The following ADGRB3 variants were observed in gnomAD, a reference collection of about 807,000 sequenced individuals.
ADGRB3 encodes the protein brain-specific angiogenesis inhibitor 3.
A neutral mutation model predicts 193.4 loss-of-function variants in ADGRB3; 37 were observed. The observed-to-expected ratio is 0.19, with a 90% CI of 0.15 to 0.25. The LOEUF (loss-of-function observed/expected upper bound fraction) is 0.25. Among genes scored for constraint, ADGRB3 ranks in the 10% least tolerant of loss-of-function variants. ADGRB3 has a pLI of 1.00. For synonymous variants in ADGRB3, 690 were observed against 644.2 expected (o/e 1.07, Z -1.08); for missense variants, 1,637 against 1,852.9 (o/e 0.88, Z 2.14).
At chr6:68,852,253 A>C (rs564504493) in intron 3 of ADGRB3, among the ~76,000 whole-genome samples, 2 of 152,042 alleles carry the variant, frequency 1.3e-5, no homozygotes, top group Non-Finnish European at 2.9e-5. Context: ...GCTGTATAAA[A>C]AAAGATTTAT....
At chr6:69,382,735 G>T (rs2127239104) in intron 30 of ADGRB3, 96 bp from the exon 31 acceptor site, 2 of 820,674 alleles carry the variant, frequency 2.4e-6, no homozygotes, top group East Asian at 3.0e-5. Context: ...TGCCAAACTT[G>T]ATTACCCTTA....
intron 3 of ADGRB3, among the ~76,000 whole-genome samples, chr6:68,720,410 T>A (rs1765556550): frequency 6.6e-6 from 1 of 151,758 alleles, no homozygotes; most frequent in Admixed American, 6.6e-5. Flanking sequence ...ATGACTAACC[T>A]TGGGCTTTTT....
intron 17 of ADGRB3, among the ~76,000 whole-genome samples, chr6:69,091,363 A>G (rs1772699676): frequency 6.6e-6 from 1 of 152,226 alleles, no homozygotes; most frequent in Non-Finnish European, 1.5e-5. Flanking sequence ...AGCACTTTTC[A>G]CAATAGCAAA....
chr6:69,110,069 C>G (rs1428771982), intron 17 of ADGRB3, among the ~76,000 whole-genome samples: 1 of 151,386 alleles, frequency 6.6e-6, no homozygotes, highest in East Asian at 1.9e-4. Flanking sequence ...TGCCTCAGCA[C>G]CCCGAGTAGC....
At chr6:68,817,626 C>G (rs746297390) in intron 3 of ADGRB3, among the ~76,000 whole-genome samples, 2 of 151,580 alleles carry the variant, frequency 1.3e-5, no homozygotes, top group Non-Finnish European at 2.9e-5. Context: ...TCTGTAAAAG[C>G]AGTCTTGTAA....
intron 11 of ADGRB3, among the ~76,000 whole-genome samples, chr6:68,995,355 A>G (rs1349821277): frequency 6.6e-6 from 1 of 152,222 alleles, no homozygotes; most frequent in Non-Finnish European, 1.5e-5. Context: ...CAGTTGAAAC[A>G]TTAGGTAAAG....
rs1368797206 is a variant in ADGRB3 at position 69,089,736 on chromosome 6, T to A, written c.2480+13698T>A. Among the ~76,000 whole-genome samples the A allele has an allele frequency of 2.6e-5, 4 of 152,208 alleles. No homozygotes were observed. The East Asian group carries it at 7.7e-4, about 29-fold the overall frequency. On this transcript the variant is annotated intron_variant, in intron 17 of 31. Coordinates refer to ENST00000370598, the MANE Select transcript of ADGRB3 (RefSeq NM_001704.3). ...AGATAATGCTGCTGCCCTAGAGCTC[T>A]GGTTCTTTCTCTACCAAGTAGGAGC... is the stretch of plus-strand genomic sequence containing the variant.
At chr6:69,135,241 G>A (rs548462879) in intron 17 of ADGRB3, among the ~76,000 whole-genome samples, 10 of 151,614 alleles carry the variant, frequency 6.6e-5, no homozygotes, top group African/African-American at 2.4e-4. Flanking sequence ...TTTTCTTCTA[G>A]AAGCAGCCTA....
intron 20 of ADGRB3, among the ~76,000 whole-genome samples, chr6:69,258,901 C>A (rs1432233770): frequency 6.6e-6 from 1 of 152,124 alleles, no homozygotes; most frequent in Non-Finnish European, 1.5e-5. Context: ...TAGTTAAGAA[C>A]CCCTGCCACT....
intron 3 of ADGRB3, among the ~76,000 whole-genome samples, chr6:68,790,509 C>T (rs1767080473): frequency 6.6e-6 from 1 of 152,118 alleles, no homozygotes; most frequent in Non-Finnish European, 1.5e-5. Context: ...GTCCCTGACC[C>T]CCGAGTAGCC....
intron 21 of ADGRB3, among the ~76,000 whole-genome samples, 157 bp downstream of exon 21, chr6:69,325,179 T>G (rs1341995184): frequency 6.6e-6 from 1 of 151,884 alleles, no homozygotes; most frequent in Non-Finnish European, 1.5e-5. Context: ...CATTCATTGG[T>G]CATTTGGAAC....
chr6:68,842,498 T>G (rs998625699), intron 3 of ADGRB3, among the ~76,000 whole-genome samples: 1 of 151,816 alleles, frequency 6.6e-6, no homozygotes, highest in Non-Finnish European at 1.5e-5. Flanking sequence ...CTGAATAGAT[T>G]AAGTAACCAG....
At chr6:69,047,670 C>T (rs1478503672) in intron 13 of ADGRB3, among the ~76,000 whole-genome samples, 2 of 151,978 alleles carry the variant, frequency 1.3e-5, no homozygotes, top group African/African-American at 4.8e-5. Context: ...AGTTCTATCT[C>T]CCAAAGTAAT....
chr6:69,349,624 T>C (rs1424200218), intron 26 of ADGRB3, among the ~76,000 whole-genome samples: 4 of 152,164 alleles, frequency 2.6e-5, no homozygotes, highest in African/African-American at 4.8e-5. Context: ...TTAATGATTA[T>C]GAAAAGCTGA....
chr6:69,346,441 T>G (rs1283237515), intron 26 of ADGRB3, among the ~76,000 whole-genome samples: 1 of 152,034 alleles, frequency 6.6e-6, no homozygotes, highest in Non-Finnish European at 1.5e-5. Context: ...GGGAGAAAAT[T>G]TTTGCAATCT....
chr6:68,883,651 C>T (rs571430973), intron 3 of ADGRB3, among the ~76,000 whole-genome samples: 15 of 152,226 alleles, frequency 9.9e-5, no homozygotes, highest in African/African-American at 2.9e-4. Context: ...TAACACTCAC[C>T]GCAAAGGTCT....
chr6:68,929,519 C>T (rs995012401), intron 3 of ADGRB3, among the ~76,000 whole-genome samples: 17 of 152,132 alleles, frequency 1.1e-4, no homozygotes, highest in Non-Finnish European at 2.2e-4. Flanking sequence ...ACACACTTCA[C>T]CCAGTCATCT....
At chr6:69,328,311 G>A (rs1189217451) in intron 22 of ADGRB3, among the ~76,000 whole-genome samples, 2 of 152,072 alleles carry the variant, frequency 1.3e-5, no homozygotes, top group Middle Eastern at 6.8e-3. Flanking sequence ...TGCTATGTTA[G>A]GGTAATGCAT....
At chr6:68,771,309 ATAAT>A (rs141883114) in intron 3 of ADGRB3, among the ~76,000 whole-genome samples, 3,995 of 152,120 alleles carry the variant, frequency 0.026, 79 homozygotes, top group African/African-American at 0.051. Flanking sequence ...ATGTGTGCAC[ATAAT>A]TAAAGTTGAC....
Sources: gnomAD v4.1 joint callset for allele counts (sites outside exome capture counted in the v4.1 genomes callset) on GRCh38, gnomAD v4.1.1 for gene constraint, MANE v1.5 for transcripts, NCBI Gene and HGNC (gene_info 2026-07-23, HGNC 2026-07-21) for gene names.